The following ST6GALNAC3 variants were observed in gnomAD, a reference collection of about 807,000 sequenced individuals.
ST6GALNAC3 encodes ST6 N-acetylgalactosaminide alpha-2,6-sialyltransferase 3, also known as alpha-N-acetylgalactosaminide alpha-2,6-sialyltransferase 3.
Under a neutral mutation model 32.7 loss-of-function variants are expected in ST6GALNAC3, and 25 were observed. The ratio of observed to expected loss-of-function variants is 0.76; its 90% confidence interval spans 0.56 to 1.07. ST6GALNAC3 has a LOEUF of 1.07. Ranked by LOEUF, ST6GALNAC3 falls within the 50% of genes least tolerant of loss-of-function variation. The pLI is 0.00. For missense variants in ST6GALNAC3, 355 were observed against 382.4 expected (o/e 0.93, Z 0.60); for synonymous variants, 129 against 133.1 (o/e 0.97, Z 0.21).
intron 1 of ST6GALNAC3, among the ~76,000 whole-genome samples, chr1:76,086,576 A>G: frequency 6.6e-6 from 1 of 152,084 alleles, no homozygotes; most frequent in East Asian, 1.9e-4. Flanking sequence ...CTTCATCTCC[A>G]GCCTTCATGC....
At chr1:76,512,002 G>A (rs1206274743) in intron 3 of ST6GALNAC3, among the ~76,000 whole-genome samples, 1 of 152,098 alleles carries the variant, frequency 6.6e-6, no homozygotes, top group Non-Finnish European at 1.5e-5. Context: ...TGTGTGTCAT[G>A]GCGATCTGAG....
intron 2 of ST6GALNAC3, among the ~76,000 whole-genome samples, chr1:76,387,056 A>G (rs1249800385): frequency 6.6e-6 from 1 of 152,148 alleles, no homozygotes; most frequent in Non-Finnish European, 1.5e-5. Context: ...GCCTAACTTA[A>G]TGAAGAAGAT....
chr1:76,425,181 G>A (rs1385561015), intron 3 of ST6GALNAC3, among the ~76,000 whole-genome samples: 2 of 151,924 alleles, frequency 1.3e-5, no homozygotes, highest in Non-Finnish European at 2.9e-5. Context: ...CAAACTAGAG[G>A]CAGAACTTTT....
At chr1:76,326,946 A>C (rs1489744819) in intron 2 of ST6GALNAC3, among the ~76,000 whole-genome samples, 1 of 151,984 alleles carries the variant, frequency 6.6e-6, no homozygotes, top group African/African-American at 2.4e-5. Context: ...ATAGTAAACA[A>C]TACTGTAAGA....
At chr1:76,506,606 A>T (rs143372537) in intron 3 of ST6GALNAC3, among the ~76,000 whole-genome samples, 3 of 152,232 alleles carry the variant, frequency 2.0e-5, no homozygotes, top group African/African-American at 4.8e-5. Flanking sequence ...GAATATATCG[A>T]CATGCTTTTC....
intron 3 of ST6GALNAC3, among the ~76,000 whole-genome samples, chr1:76,453,798 G>A (rs899541135): frequency 1.3e-5 from 2 of 152,054 alleles, no homozygotes; most frequent in Admixed American, 6.6e-5. Flanking sequence ...AAGTTCATTT[G>A]TTCTAGGGTG....
chr1:76,150,159 C>T lies in ST6GALNAC3; in HGVS notation c.18+75275C>T, dbSNP rs1650949054. Among the ~76,000 whole-genome samples, 4 of 152,164 alleles carry T rather than the reference C, an allele frequency of 2.6e-5. No individual in the cohort carries two copies. In the South Asian group the frequency reaches 8.3e-4, roughly 31 times the overall value. On this transcript the variant is annotated intron_variant, in intron 1 of 4. Coordinates refer to ENST00000328299, the MANE Select transcript of ST6GALNAC3 (RefSeq NM_152996.4). ...ATCTTACAGCACTGCAGATCCTACC[C>T]CTGCCTTTTTTTTTCCAGCCTCCAT...
chr1:76,151,140 G>A (rs1651013422), intron 1 of ST6GALNAC3, among the ~76,000 whole-genome samples: 1 of 152,190 alleles, frequency 6.6e-6, no homozygotes, highest in African/African-American at 2.4e-5. Context: ...TCACGGGGAA[G>A]AGGGGAGATG....
intron 2 of ST6GALNAC3, among the ~76,000 whole-genome samples, chr1:76,338,173 C>T (rs1189570435): frequency 6.6e-6 from 1 of 152,098 alleles, no homozygotes; most frequent in Admixed American, 6.5e-5. Flanking sequence ...TATTACTCTT[C>T]TAGGATTAAT....
At position 76,628,816 on chromosome 1, in the gene ST6GALNAC3, T is replaced by C; in HGVS notation, c.*10T>C. ...CTGGACATTGTCTTGATAATGGTTT[T>C]CCTGATCTTGCCGCATCACTTAATG... On this transcript the variant is annotated 3_prime_UTR_variant, in exon 5 of 5. Transcript: ENST00000328299. The C allele has an allele frequency of 6.2e-7, 1 of 1,609,660 alleles. No individual in the cohort carries two copies. Among genetic ancestry groups the C allele is most frequent in the Non-Finnish European group, 8.5e-7 (1 of 1,177,950 alleles).
chr1:76,543,323 T>C (rs906194619), intron 3 of ST6GALNAC3, among the ~76,000 whole-genome samples: 1 of 152,144 alleles, frequency 6.6e-6, no homozygotes, highest in Non-Finnish European at 1.5e-5. Flanking sequence ...ACAATCCAAG[T>C]GCTATAACAC....
At chr1:76,477,015 C>G (rs1226613823) in intron 3 of ST6GALNAC3, among the ~76,000 whole-genome samples, 1 of 152,140 alleles carries the variant, frequency 6.6e-6, no homozygotes, top group Non-Finnish European at 1.5e-5. Flanking sequence ...CCAGGTTAGT[C>G]TTGTCTCTCT....
intron 3 of ST6GALNAC3, among the ~76,000 whole-genome samples, chr1:76,514,840 C>G (rs1355220576): frequency 6.6e-6 from 1 of 152,106 alleles, no homozygotes; most frequent in Non-Finnish European, 1.5e-5. Flanking sequence ...TATGTTGAAC[C>G]ATTCTTGCAT....
At chr1:76,581,380 T>C (rs978337026) in intron 3 of ST6GALNAC3, among the ~76,000 whole-genome samples, 3 of 152,268 alleles carry the variant, frequency 2.0e-5, no homozygotes, top group South Asian at 2.1e-4. Context: ...GCCACCCCAA[T>C]TGGGAAGAGT....
chr1:76,243,599 G>A (rs1442416838), intron 1 of ST6GALNAC3, among the ~76,000 whole-genome samples: 3 of 152,192 alleles, frequency 2.0e-5, no homozygotes, highest in African/African-American at 7.2e-5. Flanking sequence ...TTACATTTAA[G>A]TCTTTAATTC....
chr1:76,314,543 C>T (rs761602109), intron 2 of ST6GALNAC3, among the ~76,000 whole-genome samples: 1 of 152,092 alleles, frequency 6.6e-6, no homozygotes, highest in Non-Finnish European at 1.5e-5. Flanking sequence ...ATCACAGAAG[C>T]TTTAAATCTT....
intron 1 of ST6GALNAC3, among the ~76,000 whole-genome samples, chr1:76,222,878 T>C (rs1459651084): frequency 6.6e-6 from 1 of 152,050 alleles, no homozygotes; most frequent in Non-Finnish European, 1.5e-5. Flanking sequence ...TCACAATGGC[T>C]ATTACTAAAA....
At chr1:76,201,365 A>T (rs57736626) in intron 1 of ST6GALNAC3, among the ~76,000 whole-genome samples, 12,777 of 152,230 alleles carry the variant, frequency 0.084, 596 homozygotes, top group African/African-American at 0.12. Context: ...ATTGTGTGAG[A>T]CTTACTCACT....
intron 3 of ST6GALNAC3, among the ~76,000 whole-genome samples, chr1:76,487,702 A>G (rs1471420176): frequency 6.6e-6 from 1 of 151,950 alleles, no homozygotes; most frequent in East Asian, 1.9e-4. Context: ...AAGTTTGATC[A>G]TATGAAGCCT....
Sources: allele counts gnomAD v4.1 joint callset (sites outside exome capture counted in the v4.1 genomes callset), GRCh38; gene constraint gnomAD v4.1.1; transcripts MANE v1.5; gene names NCBI Gene and HGNC (gene_info 2026-07-23, HGNC 2026-07-21).